ATRNL1: variants seen among roughly 807,000 people sequenced by gnomAD.
ATRNL1 encodes the protein attractin like 1, also known as attractin-like protein 1.
A neutral mutation model predicts 182.7 loss-of-function variants in ATRNL1; 95 were observed. That is an observed-to-expected ratio of 0.52 (90% CI 0.44 to 0.62). ATRNL1 has a LOEUF of 0.62. ATRNL1 is among the 20% of genes least tolerant of loss of function. ATRNL1 has a pLI of 0.00. For missense variants in ATRNL1, 1,471 were observed against 1,679.5 expected (o/e 0.88, Z 2.17); for synonymous variants, 576 against 568.3 (o/e 1.01, Z -0.19).
rs533733353 is a variant in ATRNL1, at chr10:115,358,581, C to T, written c.3175+24162C>T. ...CTAAAAAGCTAATCTAAATGTTTTT[C>T]GATTAATTCTAAGCATTTAATAAAG... On this transcript the variant is annotated intron_variant, in intron 19 of 28. Transcript: ENST00000355044. Among the ~76,000 whole-genome samples the T allele has an allele frequency of 1.5e-4, 22 of 151,532 alleles. No homozygotes were observed. In the East Asian group the frequency reaches 3.1e-3, roughly 21 times the overall value.
At chr10:115,803,201 A>G (rs1021039921) in intron 27 of ATRNL1, among the ~76,000 whole-genome samples, 4 of 152,162 alleles carry the variant, frequency 2.6e-5, no homozygotes, top group Admixed American at 6.5e-5. Flanking sequence ...TCTAGAAGTA[A>G]AAGGGTGCAG....
At chr10:115,337,209 G>C (rs1291321353) in intron 19 of ATRNL1, among the ~76,000 whole-genome samples, 9 of 151,828 alleles carry the variant, frequency 5.9e-5, no homozygotes, top group Non-Finnish European at 1.3e-4. Flanking sequence ...AATTTTGTGG[G>C]TACATAGTAG....
chr10:115,473,543 G>C (rs76185464), intron 24 of ATRNL1, among the ~76,000 whole-genome samples: 2,292 of 151,134 alleles, frequency 0.015, 54 homozygotes, highest in African/African-American at 0.052. Context: ...TTCTTTTCTT[G>C]TAGTCTCCTT....
rs148911459 is a variant in ATRNL1, at chr10:115,842,503, A to G, written c.3904-5374A>G. ...AAAGAGGAAAGGGACCTTAAAAATC[A>G]TCCAACCTACCTGTTCATTTTCCAG... On this transcript the variant is annotated intron_variant, in intron 27 of 28. Coordinates refer to ENST00000355044, the MANE Select transcript of ATRNL1 (RefSeq NM_207303.4). Among the ~76,000 whole-genome samples, 35 of 152,192 alleles carry G rather than the reference A, an allele frequency of 2.3e-4. 1 individual carries two copies. The highest frequency in any genetic ancestry group is 2.0e-3 in the Admixed American group (30 of 15,260).
chr10:115,829,400 C>G (rs2134306417), intron 27 of ATRNL1, among the ~76,000 whole-genome samples: 1 of 151,092 alleles, frequency 6.6e-6, no homozygotes, highest in Middle Eastern at 3.4e-3. Flanking sequence ...TAGATAAAAA[C>G]AACTTTTTAG....
At chr10:115,398,553 A>T (rs1306211735) in intron 20 of ATRNL1, among the ~76,000 whole-genome samples, 1 of 151,826 alleles carries the variant, frequency 6.6e-6, no homozygotes, top group African/African-American at 2.4e-5. Flanking sequence ...ATTTTTGCAC[A>T]TTGTATCCTG....
intron 19 of ATRNL1, among the ~76,000 whole-genome samples, chr10:115,378,988 C>T (rs571868137): frequency 3.3e-5 from 5 of 152,190 alleles, no homozygotes; most frequent in African/African-American, 9.6e-5. Context: ...GATTTTGAAG[C>T]AGGTACTACC....
intron 5 of ATRNL1, among the ~76,000 whole-genome samples, chr10:115,133,829 G>C (rs571288446): frequency 3.0e-4 from 46 of 152,242 alleles, no homozygotes; most frequent in Admixed American, 6.5e-4. Context: ...TGAAAGAACA[G>C]AAGTTATAAC....
chr10:115,365,963 G>T lies in ATRNL1; in HGVS notation c.3176-28696G>T, dbSNP rs187366644. 1.7e-3 allele frequency among the ~76,000 whole-genome samples: 256 copies of T among 152,306 alleles called. 1 individual carries two copies. Among genetic ancestry groups the T allele is most frequent in the Non-Finnish European group, 5.6e-4 (38 of 68,028 alleles). On this transcript the variant is annotated intron_variant, in intron 19 of 28. Coordinates refer to ENST00000355044, the MANE Select transcript of ATRNL1 (RefSeq NM_207303.4). ...CAAGTATGTGGTCAATTTTAGAATAGGTGTGGTGTGGTGCTGAAAATGTAT... is the reference window on the plus strand; with the variant it reads ...CAAGTATGTGGTCAATTTTAGAATATGTGTGGTGTGGTGCTGAAAATGTAT...
rs184697138 is a variant in ATRNL1, at chr10:115,797,820, T to G, written c.3904-50057T>G. Among the ~76,000 whole-genome samples the G allele has an allele frequency of 1.8e-4, 28 of 152,336 alleles. No individual in the cohort carries two copies. The East Asian group carries it at 5.2e-3, about 28-fold the overall frequency. On this transcript the variant is annotated intron_variant, in intron 27 of 28. Coordinates refer to ENST00000355044, the MANE Select transcript of ATRNL1 (RefSeq NM_207303.4). ...TACAGGAGCCAGCCATAGGGCTATC[T>G]GGGCTGAGATGTTGCAGGCAGTGGC...
intron 26 of ATRNL1, among the ~76,000 whole-genome samples, chr10:115,579,092 A>G (rs1323327086): frequency 6.6e-6 from 1 of 151,698 alleles, no homozygotes. Flanking sequence ...ATCTTCTTAA[A>G]TTTGTTAAGA....
intron 26 of ATRNL1, among the ~76,000 whole-genome samples, chr10:115,625,715 TCAAGAAC>T (rs1858051639): frequency 3.3e-5 from 5 of 152,198 alleles, no homozygotes; most frequent in Admixed American, 2.0e-4. Context: ...TGCAATTTAA[TCAAGAAC>T]CTATTCCCAG....
intron 9 of ATRNL1, among the ~76,000 whole-genome samples, chr10:115,230,217 T>C (rs559413513): frequency 1.3e-5 from 2 of 152,242 alleles, no homozygotes; most frequent in South Asian, 4.1e-4. Flanking sequence ...ACAATAAATA[T>C]GGAAATAAGT....
At chr10:115,172,387 G>A (rs1554885857) in intron 8 of ATRNL1, among the ~76,000 whole-genome samples, 1 of 151,522 alleles carries the variant, frequency 6.6e-6, no homozygotes, top group Non-Finnish European at 1.5e-5. Flanking sequence ...TTTATTTCTT[G>A]AGGAATTTAG....
intron 27 of ATRNL1, among the ~76,000 whole-genome samples, chr10:115,765,160 TAA>T (rs1326744854): frequency 6.6e-6 from 1 of 152,228 alleles, no homozygotes; most frequent in African/African-American, 2.4e-5. Context: ...TGTATGGATA[TAA>T]GTTTTCAGCT....
rs563667683 is a variant in ATRNL1 at position 115,890,668 on chromosome 10, G to A, written c.4018+42677G>A. Reference sequence around the variant, plus strand: ...TATGATATGTTTGATAGTTCATGAAGGACACTGTCAGATTTGGAGAATGAG... The same window carrying A: ...TATGATATGTTTGATAGTTCATGAAAGACACTGTCAGATTTGGAGAATGAG... On this transcript the variant is annotated intron_variant, in intron 28 of 28. Coordinates refer to ENST00000355044, the MANE Select transcript of ATRNL1 (RefSeq NM_207303.4). Among the ~76,000 whole-genome samples, 32 of 152,264 alleles carry A rather than the reference G, an allele frequency of 2.1e-4. 1 individual carries two copies. The South Asian group carries it at 6.4e-3, about 31-fold the overall frequency.
At position 115,094,152 on chromosome 10, in the gene ATRNL1, C is replaced by G. The variant is rs1192577992; in HGVS notation, c.293+109C>G. The G allele has an allele frequency of 3.3e-5, 37 of 1,130,744 alleles. No homozygotes were observed. In the African/African-American group the frequency reaches 5.2e-4, roughly 16 times the overall value. 70.0% of individuals were successfully genotyped at this position (1,130,744 alleles called of 1,614,324 possible). On this transcript the variant is annotated intron_variant, in intron 1 of 28. Coordinates refer to ENST00000355044, the MANE Select transcript of ATRNL1 (RefSeq NM_207303.4). ...GCCCCCGTCGCTGCCTCTGATCCCC[C>G]GGCCGTGAGTGAACCTCAGCGCGCG...
chr10:115,301,834 G>T (rs782332164), intron 16 of ATRNL1, 21 bp from the exon 17 acceptor site: 3 of 1,560,042 alleles, frequency 1.9e-6, no homozygotes, highest in Non-Finnish European at 1.7e-6. Flanking sequence ...TGAAATTATT[G>T]TATTTGTTTA....
chr10:115,800,541 G>T (rs1383368216), intron 27 of ATRNL1, among the ~76,000 whole-genome samples: 2 of 152,184 alleles, frequency 1.3e-5, no homozygotes, highest in African/African-American at 4.8e-5. Context: ...CCGCAGGAAA[G>T]AGTTGCTTCT....
Sources: allele counts gnomAD v4.1 joint callset (sites outside exome capture counted in the v4.1 genomes callset), GRCh38; gene constraint gnomAD v4.1.1; transcripts MANE v1.5; gene names NCBI Gene and HGNC (gene_info 2026-07-23, HGNC 2026-07-21).